GRK4: variants seen among roughly 807,000 people sequenced by gnomAD.
GRK4 encodes G protein-coupled receptor kinase 2-like.
A neutral mutation model predicts 77.9 loss-of-function variants in GRK4; 73 were observed. That is an observed-to-expected ratio of 0.94 (90% CI 0.78 to 1.14). The LOEUF is 1.14. Ranked by LOEUF, GRK4 falls within the 50% of genes most tolerant of loss-of-function variation. The pLI is 0.00. For missense variants in GRK4, 729 were observed against 700.2 expected (o/e 1.04, Z -0.46); for synonymous variants, 257 against 254.4 (o/e 1.01, Z -0.10).
chr4:2,965,083 A>G (rs1369307621), intron 1 of GRK4, among the ~76,000 whole-genome samples: 1 of 152,250 alleles, frequency 6.6e-6, no homozygotes, highest in Non-Finnish European at 1.5e-5. Flanking sequence ...GTGACCTGTC[A>G]TTATATGATT....
In GRK4 at chr4:3,009,659, CA is replaced by C; in HGVS notation, c.551del (p.Lys184ArgfsTer10). The C allele has an allele frequency of 6.2e-7, 1 of 1,613,396 alleles. No homozygotes were observed. Among genetic ancestry groups the C allele is most frequent in the Non-Finnish European group, 8.5e-7 (1 of 1,179,518 alleles). On this transcript the variant is annotated frameshift_variant, in exon 7 of 16. Coordinates refer to ENST00000398052, the MANE Select transcript of GRK4 (RefSeq NM_182982.3). LOFTEE classifies it high-confidence loss of function. ...QWKWLERQPV[T>X]KNTFRHYRVL... Reference sequence around the variant, plus strand: ...TTCTCATTGATTAGGCAACCCGTAACAAAGAACACATTTAGACATTACAGAG... The same window carrying C: ...TTCTCATTGATTAGGCAACCCGTAACAAGAACACATTTAGACATTACAGAG...
At chr4:2,965,416 C>T (rs536119968) in intron 1 of GRK4, 2 of 703,106 alleles carry the variant, frequency 2.8e-6, no homozygotes, top group East Asian at 5.4e-5. Context: ...GGTAGTTCTT[C>T]ACACCCCGTC....
chr4:2,986,354 C>CTTT (rs36001597), intron 2 of GRK4, among the ~76,000 whole-genome samples: 29 of 73,250 alleles, frequency 4.0e-4, no homozygotes, highest in East Asian at 7.8e-4. Flanking sequence ...AAGGTGTTAT[C>CTTT]TTTTTTTTTT....
In GRK4 at chr4:3,028,828, G is replaced by A. The variant is rs139330201; in HGVS notation, c.1061-373G>A. Among the ~76,000 whole-genome samples the A allele has an allele frequency of 1.1e-3, 171 of 151,134 alleles. 1 individual carries two copies. The highest frequency in any genetic ancestry group is 4.0e-3 in the African/African-American group (163 of 41,084). ...ACTCAGTCGCCCAGGCTAGAATGCAGTGGCACAATCTTGGCTCACTGCAAC... is the reference window on the plus strand; with the variant it reads ...ACTCAGTCGCCCAGGCTAGAATGCAATGGCACAATCTTGGCTCACTGCAAC... On this transcript the variant is annotated intron_variant, in intron 11 of 15. Transcript: ENST00000398052.
chr4:3,037,593 G>A (rs1741130119), intron 14 of GRK4, 82 bp downstream of exon 14: 3 of 1,430,110 alleles, frequency 2.1e-6, no homozygotes, highest in South Asian at 1.3e-5. Context: ...CCGTGTGTGT[G>A]TGTGTGTCTG....
intron 3 of GRK4, among the ~76,000 whole-genome samples, chr4:2,990,295 C>T (rs1725763191): frequency 1.7e-5 from 2 of 119,316 alleles, no homozygotes; most frequent in African/African-American, 3.2e-5. Context: ...TTGCTCTTGT[C>T]CTCCAGGCTG....
chr4:2,986,778 T>G (rs976817918), intron 2 of GRK4: 1 of 301,310 alleles, frequency 3.3e-6, no homozygotes. Context: ...CCAAGATTAT[T>G]TTTACAAACC....
intron 12 of GRK4, among the ~76,000 whole-genome samples, chr4:3,033,300 C>G (rs1739663306): frequency 6.6e-6 from 1 of 152,162 alleles, no homozygotes; most frequent in Non-Finnish European, 1.5e-5. Context: ...GAGGACAAAC[C>G]AGCTCCCTGG....
chr4:3,009,738 A>T, intron 7 of GRK4, 27 bp downstream of exon 7: 1 of 1,578,122 alleles, frequency 6.3e-7, no homozygotes, highest in Non-Finnish European at 8.7e-7. Flanking sequence ...AGTTCATAGC[A>T]GCGCTGCTAG....
chr4:3,023,466 G>A (rs1443440136), intron 10 of GRK4, among the ~76,000 whole-genome samples: 2 of 152,186 alleles, frequency 1.3e-5, no homozygotes, highest in Admixed American at 1.3e-4. Flanking sequence ...CGGAGATTGA[G>A]GGCAGTCGTG....
At chr4:3,019,544 A>G (rs986941523) in intron 8 of GRK4, 97 bp from the exon 9 acceptor site, 12 of 1,033,378 alleles carry the variant, frequency 1.2e-5, no homozygotes, top group Admixed American at 2.1e-5. Context: ...CTGATTGTAA[A>G]CCTAACACAG....
chr4:3,029,599 T>C (rs1738571285), intron 12 of GRK4, among the ~76,000 whole-genome samples, 190 bp downstream of exon 12: 1 of 152,152 alleles, frequency 6.6e-6, no homozygotes, highest in African/African-American at 2.4e-5. Flanking sequence ...CGGGTCCACC[T>C]GTGTCTTGGC....
At position 3,028,013 on chromosome 4, in the gene GRK4, G is replaced by A; in HGVS notation, c.1060+12G>A. 1.2e-6 allele frequency: 2 copies of A among 1,612,432 alleles called. No individual in the cohort carries two copies. The highest frequency in any genetic ancestry group is 2.2e-5 in the East Asian group (1 of 44,884). On this transcript the variant is annotated intron_variant, in intron 11 of 15. Transcript: ENST00000398052. ...AGTCGGCTACATGGGTTCGTGAGAGGCTTTCGGCGTCCTTGTCCTTTCTAT... is the reference window on the plus strand; with the variant it reads ...AGTCGGCTACATGGGTTCGTGAGAGACTTTCGGCGTCCTTGTCCTTTCTAT...
intron 8 of GRK4, among the ~76,000 whole-genome samples, chr4:3,018,725 A>G (rs903378979): frequency 1.3e-5 from 2 of 152,072 alleles, no homozygotes; most frequent in African/African-American, 4.8e-5. Flanking sequence ...TATAAATACA[A>G]AAATTAGCCG....
chr4:3,000,850 G>A (rs1244514737), intron 4 of GRK4, among the ~76,000 whole-genome samples: 4 of 152,052 alleles, frequency 2.6e-5, no homozygotes, highest in South Asian at 2.1e-4. Flanking sequence ...TTACAGGCGT[G>A]AGCCACGGCG....
intron 3 of GRK4, among the ~76,000 whole-genome samples, chr4:2,990,246 CTTTTTTTTT>C (rs71644371): frequency 1.7e-4 from 12 of 70,754 alleles, no homozygotes; most frequent in Admixed American, 4.9e-4. Flanking sequence ...TCTTCTTCTT[CTTTTTTTTT>C]TTTTTTTTTT....
chr4:2,973,293 T>C (rs1276386405), intron 1 of GRK4, among the ~76,000 whole-genome samples: 1 of 152,202 alleles, frequency 6.6e-6, no homozygotes, highest in East Asian at 1.9e-4. Context: ...GATCTTTTAA[T>C]ACCAAATGCC....
intron 11 of GRK4, among the ~76,000 whole-genome samples, chr4:3,028,462 G>A (rs777706633): frequency 4.6e-5 from 7 of 152,286 alleles, no homozygotes; most frequent in East Asian, 1.9e-4. Flanking sequence ...CCGCTCTTGC[G>A]TCTTGTGGGG....
At chr4:3,033,498 C>T (rs1739731960) in intron 12 of GRK4, among the ~76,000 whole-genome samples, 1 of 152,218 alleles carries the variant, frequency 6.6e-6, no homozygotes, top group African/African-American at 2.4e-5. Context: ...TGGCAGCAAG[C>T]TCAACCATGG....
Sources: gnomAD v4.1 joint callset for allele counts (sites outside exome capture counted in the v4.1 genomes callset) on GRCh38, gnomAD v4.1.1 for gene constraint, MANE v1.5 for transcripts, NCBI Gene and HGNC (gene_info 2026-07-23, HGNC 2026-07-21) for gene names.